SGCZ: variants seen among roughly 807,000 people sequenced by gnomAD.
The protein encoded by SGCZ is zeta-sarcoglycan.
SGCZ carries 40 observed loss-of-function variants against 41.3 expected under a neutral mutation model. That is an observed-to-expected ratio of 0.97 (90% confidence interval 0.75 to 1.26). SGCZ has a LOEUF of 1.26. Ranked by LOEUF, SGCZ falls within the 50% of genes most tolerant of loss-of-function variation. The pLI is 0.00. For missense variants in SGCZ, 552 were observed against 369.8 expected, an observed-to-expected ratio of 1.49 and a Z score of -4.04; for synonymous variants, 206 against 137.5, an observed-to-expected ratio of 1.50 and a Z score of -3.49.
intron 1 of SGCZ, among the ~76,000 whole-genome samples, chr8:14,930,190 C>T (rs1467852756): frequency 6.6e-6 from 1 of 151,990 alleles, no homozygotes; most frequent in Non-Finnish European, 1.5e-5. Flanking sequence ...TGTGAACAGA[C>T]ACTTCTCAAA....
At chr8:14,594,177 A>AAAATAAATAAAT (rs147529594) in intron 1 of SGCZ, among the ~76,000 whole-genome samples, 4 of 136,186 alleles carry the variant, frequency 2.9e-5, no homozygotes, top group East Asian at 2.2e-4. Flanking sequence ...TCCATCTCAA[A>AAAATAAATAAAT]AAATAAATAA....
At position 14,715,439 on chromosome 8, in the gene SGCZ, C is replaced by T. The variant is rs954145789; in HGVS notation, c.40-160513G>A. Among the ~76,000 whole-genome samples the T allele has an allele frequency of 5.9e-5, 9 of 152,122 alleles. No homozygotes were observed. The East Asian group carries it at 1.7e-3, about 30-fold the overall frequency. ...GTAAATTCACAAAGGTATCTGCCCA[C>T]CTATCTATGGCATAAAGGTTGCATG... On this transcript the variant is annotated intron_variant, in intron 1 of 7. Coordinates refer to ENST00000382080, the MANE Select transcript of SGCZ (RefSeq NM_139167.4).
At chr8:15,176,797 C>G (rs1312306329) in intron 1 of SGCZ, among the ~76,000 whole-genome samples, 5 of 152,112 alleles carry the variant, frequency 3.3e-5, no homozygotes, top group Non-Finnish European at 7.4e-5. Flanking sequence ...GTCAGGAGAT[C>G]GAGACCATCC....
At chr8:14,951,420 G>C (rs1800634011) in intron 1 of SGCZ, among the ~76,000 whole-genome samples, 1 of 151,972 alleles carries the variant, frequency 6.6e-6, no homozygotes, top group African/African-American at 2.4e-5. Context: ...AGGAAGGAAA[G>C]AGGCTATTTT....
chr8:14,973,963 A>T (rs1021742069), intron 1 of SGCZ, among the ~76,000 whole-genome samples: 5 of 152,214 alleles, frequency 3.3e-5, no homozygotes, highest in African/African-American at 1.2e-4. Flanking sequence ...AAATTACAAC[A>T]GGAAATGAAT....
At chr8:14,965,785 T>C (rs1801109943) in intron 1 of SGCZ, among the ~76,000 whole-genome samples, 1 of 152,108 alleles carries the variant, frequency 6.6e-6, no homozygotes, top group African/African-American at 2.4e-5. Flanking sequence ...TGAAAGAATA[T>C]AAATATCCAA....
In SGCZ at chr8:14,481,381, C is replaced by A. The variant is rs562562634; in HGVS notation, c.234+73351G>T. ...AGGGGTCATAGAAATCACTGCCTCA[C>A]AATCAATGGGGATTACTCAATTCAC... is the stretch of plus-strand genomic sequence containing the variant. On this transcript the variant is annotated intron_variant, in intron 2 of 7. Coordinates refer to ENST00000382080, the MANE Select transcript of SGCZ (RefSeq NM_139167.4). Among the ~76,000 whole-genome samples, 3 of 152,232 alleles carry A rather than the reference C, an allele frequency of 2.0e-5. 1 individual carries two copies. In the South Asian group the frequency reaches 6.2e-4, roughly 32 times the overall value.
At chr8:14,105,759 A>G (rs1802183642) in intron 6 of SGCZ, among the ~76,000 whole-genome samples, 1 of 152,058 alleles carries the variant, frequency 6.6e-6, no homozygotes, top group Admixed American at 6.6e-5. Flanking sequence ...ACTAGATGTA[A>G]TATCATTCGC....
intron 1 of SGCZ, among the ~76,000 whole-genome samples, chr8:14,838,594 C>A (rs536358385): frequency 2.2e-4 from 33 of 152,156 alleles, no homozygotes; most frequent in Non-Finnish European, 4.3e-4. Context: ...CCCTGCCTTG[C>A]TTTTCCCTTA....
intron 1 of SGCZ, among the ~76,000 whole-genome samples, chr8:15,019,395 C>T (rs897826218): frequency 6.6e-6 from 1 of 152,160 alleles, no homozygotes; most frequent in Non-Finnish European, 1.5e-5. Flanking sequence ...GTTAGAGCTG[C>T]TTAATGAAAC....
Position 14,224,415 on chromosome 8 carries a change from G to T in SGCZ, c.424+13177C>A, listed in dbSNP as rs562695428. ...GGCAGACATAGAGGGAATATCTCTAGCTCTGAAGGTGAAAGGGATGCAGCA... is the reference window on the plus strand; with the variant it reads ...GGCAGACATAGAGGGAATATCTCTATCTCTGAAGGTGAAAGGGATGCAGCA... On this transcript the variant is annotated intron_variant, in intron 4 of 7. Coordinates refer to ENST00000382080, the MANE Select transcript of SGCZ (RefSeq NM_139167.4). Among the ~76,000 whole-genome samples, 6 of 152,214 alleles carry T rather than the reference G, an allele frequency of 3.9e-5. No homozygotes were observed. The East Asian group carries it at 1.2e-3, about 30-fold the overall frequency.
chr8:14,297,434 T>TA (rs1290719188), intron 3 of SGCZ, among the ~76,000 whole-genome samples: 1 of 150,928 alleles, frequency 6.6e-6, no homozygotes, highest in Non-Finnish European at 1.5e-5. Context: ...AAGACATAAT[T>TA]AAAAAAAGGG....
chr8:14,356,135 A>C (rs1585400583), intron 2 of SGCZ, among the ~76,000 whole-genome samples: 1 of 152,312 alleles, frequency 6.6e-6, no homozygotes, highest in African/African-American at 2.4e-5. Context: ...CTGTATTGCA[A>C]GATTTTGCCC....
chr8:14,501,366 G>A (rs574815146), intron 2 of SGCZ, among the ~76,000 whole-genome samples: 19 of 152,012 alleles, frequency 1.2e-4, no homozygotes, highest in African/African-American at 4.3e-4. Context: ...CATAGTCACA[G>A]TTTCTGGGGA....
chr8:14,144,737 G>C (rs545008040), intron 5 of SGCZ, among the ~76,000 whole-genome samples: 24 of 152,184 alleles, frequency 1.6e-4, no homozygotes, highest in Admixed American at 3.3e-4. Flanking sequence ...CTGTGGGCCA[G>C]AGGGGAGCCT....
intron 1 of SGCZ, among the ~76,000 whole-genome samples, chr8:14,713,607 T>C (rs1189792161): frequency 1.3e-5 from 2 of 151,040 alleles, no homozygotes; most frequent in Non-Finnish European, 2.9e-5. Context: ...TGATTAATGA[T>C]ATACTTTGGA....
At chr8:14,940,073 C>A (rs1445044939) in intron 1 of SGCZ, among the ~76,000 whole-genome samples, 1 of 152,116 alleles carries the variant, frequency 6.6e-6, no homozygotes, top group East Asian at 1.9e-4. Context: ...TTCTTAAGGG[C>A]CACTCTTAAG....
intron 5 of SGCZ, among the ~76,000 whole-genome samples, chr8:14,127,581 G>A (rs752606268): frequency 1.4e-4 from 21 of 151,536 alleles, no homozygotes; most frequent in African/African-American, 2.4e-4. Context: ...TCAGCCTCCC[G>A]AGTAGCTGGG....
intron 2 of SGCZ, among the ~76,000 whole-genome samples, chr8:14,524,502 C>A (rs1054856427): frequency 6.6e-6 from 1 of 152,100 alleles, no homozygotes; most frequent in Non-Finnish European, 1.5e-5. Flanking sequence ...AAGAAAGTCC[C>A]AGTCAGCCTC....
Sources: gnomAD v4.1 joint callset for allele counts (sites outside exome capture counted in the v4.1 genomes callset) on GRCh38, gnomAD v4.1.1 for gene constraint, MANE v1.5 for transcripts, NCBI Gene and HGNC (gene_info 2026-07-23, HGNC 2026-07-21) for gene names.